Variants in HORMAD2 observed in about 807,000 individuals in gnomAD.
The protein encoded by HORMAD2 is HORMA domain containing 2, also known as HORMA domain-containing protein 2.
A neutral mutation model predicts 38.8 loss-of-function variants in HORMAD2; 45 were observed. The observed-to-expected ratio is 1.16, with a 90% CI of 0.91 to 1.49. HORMAD2 has a LOEUF of 1.49. HORMAD2 is among the 40% of genes most tolerant of loss of function. HORMAD2 has a pLI of 0.00. For missense variants in HORMAD2, 338 were observed against 367.0 expected (o/e 0.92, Z 0.65); for synonymous variants, 126 against 122.8 (o/e 1.03, Z -0.17).
At chr22:30,207,113 A>T in the HORMAD2 span, 18 of 470,750 alleles carry the variant, frequency 3.8e-5, no homozygotes, top group South Asian at 2.8e-4. Context: ...AGGAGCTGTC[A>T]GGAGGCGGGA....
chr22:30,188,813 T>C, the HORMAD2 span, among the ~76,000 whole-genome samples: 3 of 152,162 alleles, frequency 2.0e-5, no homozygotes, highest in Non-Finnish European at 2.9e-5. Flanking sequence ...CTTGTAACCA[T>C]TGCAGGCAGC....
chr22:30,135,760 T>A (rs540919656), intron 10 of HORMAD2, among the ~76,000 whole-genome samples: 10 of 152,296 alleles, frequency 6.6e-5, no homozygotes, highest in African/African-American at 2.2e-4. Context: ...AAACTTTTAG[T>A]AAAACCCTCC....
rs1202787880 is a variant in HORMAD2 at position 30,159,411 on chromosome 22, T to C, written c.820-16652T>C. Reference sequence around the variant, plus strand: ...AGGTATATAATCTAGCCATATTCTGTAATAGATTTGCTGCAGTTTATACTC... The same window carrying C: ...AGGTATATAATCTAGCCATATTCTGCAATAGATTTGCTGCAGTTTATACTC... On this transcript the variant is annotated intron_variant, in intron 10 of 10. Transcript: ENST00000336726. Among the ~76,000 whole-genome samples, 4 of 152,334 alleles carry C rather than the reference T, an allele frequency of 2.6e-5. No homozygotes were observed. In the East Asian group the frequency reaches 5.8e-4, roughly 22 times the overall value.
At chr22:30,145,371 T>C (rs137977280) in intron 10 of HORMAD2, among the ~76,000 whole-genome samples, 21 of 152,276 alleles carry the variant, frequency 1.4e-4, no homozygotes, top group African/African-American at 4.8e-4. Context: ...CACAGAACTG[T>C]ACATTATAAA....
chr22:30,108,216 C>T (rs1020916608), intron 5 of HORMAD2, among the ~76,000 whole-genome samples: 1 of 152,228 alleles, frequency 6.6e-6, no homozygotes, highest in African/African-American at 2.4e-5. Flanking sequence ...TTCGCATTCT[C>T]AATCCCTCAC....
chr22:30,186,985 C>A, the HORMAD2 span, among the ~76,000 whole-genome samples: 1 of 152,146 alleles, frequency 6.6e-6, no homozygotes, highest in Non-Finnish European at 1.5e-5. Context: ...ATTTTCGACA[C>A]CCACCAAATG....
rs117678949 is a variant in HORMAD2 at position 30,109,269 on chromosome 22, C to T, written c.295-2527C>T. Among the ~76,000 whole-genome samples, 222 of 152,172 alleles carry T rather than the reference C, an allele frequency of 1.5e-3. No homozygotes were observed. The East Asian group carries it at 0.02, about 14-fold the overall frequency. On this transcript the variant is annotated intron_variant, in intron 5 of 10. Coordinates refer to ENST00000336726, the MANE Select transcript of HORMAD2 (RefSeq NM_152510.4). ...TCAAACTCCTGACCTTGTGATCCTC[C>T]GGCCTCAGACTCCCAAAGTGCTGGG...
At chr22:30,083,436 G>C (rs1418234469) in intron 1 of HORMAD2, among the ~76,000 whole-genome samples, 1 of 152,144 alleles carries the variant, frequency 6.6e-6, no homozygotes, top group Non-Finnish European at 1.5e-5. Flanking sequence ...CCTGAACAAA[G>C]GGATAACACA....
chr22:30,170,393 C>A (rs1425251144), intron 10 of HORMAD2, among the ~76,000 whole-genome samples: 1 of 152,146 alleles, frequency 6.6e-6, no homozygotes, highest in African/African-American at 2.4e-5. Flanking sequence ...TCCTGTGTCA[C>A]AACATATCTG....
At chr22:30,127,643 C>G (rs1922981526) in intron 10 of HORMAD2, among the ~76,000 whole-genome samples, 1 of 152,198 alleles carries the variant, frequency 6.6e-6, no homozygotes, top group African/African-American at 2.4e-5. Flanking sequence ...ACGCCTGGCA[C>G]ATCTTTGTCT....
upstream of HORMAD2, chr22:30,080,359 G>A (rs937516405): frequency 1.3e-5 from 2 of 152,250 alleles, no homozygotes; most frequent in Non-Finnish European, 2.9e-5. Flanking sequence ...CCGTGGACGG[G>A]TCATGAATTA....
the HORMAD2 span, among the ~76,000 whole-genome samples, chr22:30,186,981 G>A: frequency 9.9e-5 from 15 of 152,176 alleles, no homozygotes; most frequent in African/African-American, 3.6e-4. Context: ...AAGAATTTTC[G>A]ACACCCACCA....
intron 10 of HORMAD2, among the ~76,000 whole-genome samples, chr22:30,166,730 A>G (rs1925807642): frequency 6.6e-6 from 1 of 152,254 alleles, no homozygotes; most frequent in African/African-American, 2.4e-5. Context: ...GAAACGTTCA[A>G]TTACAAAAAT....
rs1280826750 is a variant in HORMAD2, at chr22:30,163,907, A to G, written c.820-12156A>G. Among the ~76,000 whole-genome samples, 3 of 152,160 alleles carry G rather than the reference A, an allele frequency of 2.0e-5. No homozygotes were observed. In the East Asian group the frequency reaches 5.8e-4, roughly 29 times the overall value. ...GTTATCCATTTCCAGAAGTTTCTTC[A>G]TCTTCCCAAACTGAAACTCTATACC... On this transcript the variant is annotated intron_variant, in intron 10 of 10. Transcript: ENST00000336726.
intron 2 of HORMAD2, among the ~76,000 whole-genome samples, chr22:30,094,345 A>G (rs1372978082): frequency 1.3e-5 from 2 of 152,214 alleles, no homozygotes; most frequent in Admixed American, 1.3e-4. Context: ...TGTGTTGCAC[A>G]CCATGGTGTA....
At chr22:30,169,728 G>A (rs1200440261) in intron 10 of HORMAD2, among the ~76,000 whole-genome samples, 1 of 152,178 alleles carries the variant, frequency 6.6e-6, no homozygotes, top group Non-Finnish European at 1.5e-5. Context: ...TAAAAACAGA[G>A]TCAATTATTT....
chr22:30,087,290 T>G (rs2068587028), intron 1 of HORMAD2, among the ~76,000 whole-genome samples: 2 of 152,172 alleles, frequency 1.3e-5, no homozygotes, highest in South Asian at 4.1e-4. Flanking sequence ...CAGAAGTAAG[T>G]TTTTGGGGAA....
rs912833573 is a variant in HORMAD2 at position 30,176,543 on chromosome 22, T to C, written c.*376T>C. Reference sequence around the variant, plus strand: ...TTCAGCTATTTAGACTACTGTGAAATGTTTTGACTTGTTGTAACCTGTATA... The same window carrying C: ...TTCAGCTATTTAGACTACTGTGAAACGTTTTGACTTGTTGTAACCTGTATA... On this transcript the variant is annotated 3_prime_UTR_variant, in exon 11 of 11. Transcript: ENST00000336726. The C allele has an allele frequency of 5.4e-6, 1 of 185,262 alleles. No individual in the cohort carries two copies. Among genetic ancestry groups the C allele is most frequent in the African/African-American group, 2.4e-5 (1 of 41,992 alleles). The allele number at this position is 185,262 out of a possible 1,614,324, so 11.5% of individuals were successfully genotyped here. A position where few individuals can be genotyped will look rare whatever the true frequency, so the allele number is the denominator to read the frequency against.
chr22:30,138,129 T>C (rs927820712), intron 10 of HORMAD2, among the ~76,000 whole-genome samples: 50 of 152,276 alleles, frequency 3.3e-4, no homozygotes, highest in African/African-American at 9.6e-4. Flanking sequence ...TGGTACCTCA[T>C]TGTGGTTTTA....
Sources: gnomAD v4.1 joint callset for allele counts (sites outside exome capture counted in the v4.1 genomes callset) on GRCh38, gnomAD v4.1.1 for gene constraint, MANE v1.5 for transcripts, NCBI Gene and HGNC (gene_info 2026-07-23, HGNC 2026-07-21) for gene names.